TRPM7: variants seen among roughly 807,000 people sequenced by gnomAD.
TRPM7 encodes LTRPC ion channel family member 7.
Under a neutral mutation model 229.7 loss-of-function variants are expected in TRPM7, and 134 were observed. That is an observed-to-expected ratio of 0.58 (90% CI 0.51 to 0.67). The LOEUF (loss-of-function observed/expected upper bound fraction) is 0.67, where lower values mean the gene tolerates loss of function less well. Among genes scored for constraint, TRPM7 ranks in the 30% least tolerant of loss-of-function variants. The probability of loss-of-function intolerance (pLI) is 0.00; values close to 1 mark genes in which losing one functional copy is unlikely to be tolerated. For synonymous variants in TRPM7, 699 were observed against 715.2 expected, an observed-to-expected ratio of 0.98 and a Z score of 0.36; for missense variants, 1,901 against 2,210.0, an observed-to-expected ratio of 0.86 and a Z score of 2.80.
At chr15:50,637,692 A>G in intron 6 of TRPM7, 99 bp from the exon 7 acceptor site, 1 of 1,069,288 alleles carries the variant, frequency 9.4e-7, no homozygotes, top group Admixed American at 3.0e-5. Context: ...AAGAAGTAAA[A>G]TTCTATTTTA....
In TRPM7 at chr15:50,614,151, A is replaced by G; in HGVS notation, c.1607T>C (p.Ile536Thr). The change falls in exon 14 of 39, where the codon ATA (isoleucine) becomes ACA (threonine). Residue 536 changes from isoleucine to threonine, a missense_variant. By Grantham distance (89) the Ile-to-Thr change is moderately conservative. Coordinates refer to ENST00000646667, the MANE Select transcript of TRPM7 (RefSeq NM_017672.6). ...CTYTRKRFRL[I>T]YNSLGGNNRR... ...ATTATTTCCACCAAGACTATTATAT[A>G]TTAATCGAAAACGTTTCCTAGTATA... is the stretch of plus-strand genomic sequence containing the variant. The G allele has an allele frequency of 6.2e-7, 1 of 1,611,120 alleles. No individual in the cohort carries two copies. Among genetic ancestry groups the G allele is most frequent in the East Asian group, 2.2e-5 (1 of 44,838 alleles).
rs2059940062 is a variant in TRPM7, at chr15:50,607,193, G to T, written c.2709+7C>A. The T allele has an allele frequency of 3.1e-6, 5 of 1,595,372 alleles. No homozygotes were observed. Among genetic ancestry groups the T allele is most frequent in the Non-Finnish European group, 3.4e-6 (4 of 1,174,498 alleles). ...AAATTATTGGTAGAAAAAAACTAAA[G>T]ACATACCTCACGGACTTTCTCAATG... On this transcript the variant is annotated splice_region_variant and intron_variant, in intron 20 of 38. Coordinates refer to ENST00000646667, the MANE Select transcript of TRPM7 (RefSeq NM_017672.6).
At chr15:50,593,879 C>G (rs568527487) in intron 24 of TRPM7, 130 bp from the exon 25 acceptor site, 1 of 852,686 alleles carries the variant, frequency 1.2e-6, no homozygotes, top group Non-Finnish European at 1.8e-6. Flanking sequence ...ACTTTTACTA[C>G]TATGCTTCTA....
chr15:50,651,618 A>ATT (rs2061421312), intron 3 of TRPM7, among the ~76,000 whole-genome samples: 1 of 152,188 alleles, frequency 6.6e-6, no homozygotes, highest in African/African-American at 2.4e-5. Context: ...CAACATAGTA[A>ATT]GACTCTGTCT....
At chr15:50,580,072 C>T (rs1260590900) in intron 30 of TRPM7, among the ~76,000 whole-genome samples, 6 of 152,190 alleles carry the variant, frequency 3.9e-5, no homozygotes, top group Non-Finnish European at 7.3e-5. Flanking sequence ...CCATGCCTGG[C>T]CCAGATTTAT....
intron 3 of TRPM7, among the ~76,000 whole-genome samples, chr15:50,651,416 C>G (rs1003200167): frequency 6.6e-6 from 1 of 152,026 alleles, no homozygotes; most frequent in Non-Finnish European, 1.5e-5. Context: ...GAAGCCGAGG[C>G]GGGTGGATCA....
rs776970870 is a variant in TRPM7 at position 50,634,533 on chromosome 15, C to T, written c.856G>A (p.Val286Met). ...HARIGQGVPV[V>M]ALIFEGGPNV... ...GGCCCACCCTCAAATATAAGTGCCA[C>T]CACAGGGACACCCTGGCCAATCCCT... Residue 286 changes from valine to methionine, a missense_variant, in exon 8 of 39, where the codon GTG (valine) becomes ATG (methionine). By Grantham distance (21) the Val-to-Met change is conservative. Coordinates refer to ENST00000646667, the MANE Select transcript of TRPM7 (RefSeq NM_017672.6). The T allele has an allele frequency of 6.6e-7, 1 of 1,508,014 alleles. No individual in the cohort carries two copies. The highest frequency in any genetic ancestry group is 8.8e-7 in the Non-Finnish European group (1 of 1,132,080). 93.4% of individuals were successfully genotyped at this position (1,508,014 alleles called of 1,614,324 possible).
At chr15:50,681,262 A>ACACACAC (rs2062234758) in intron 1 of TRPM7, among the ~76,000 whole-genome samples, 1 of 53,610 alleles carries the variant, frequency 1.9e-5, no homozygotes, top group African/African-American at 1.4e-4. Context: ...AAAATAAATA[A>ACACACAC]ATACACACAC....
At chr15:50,584,550 T>C (rs2054593036) in intron 28 of TRPM7, among the ~76,000 whole-genome samples, 1 of 151,690 alleles carries the variant, frequency 6.6e-6, no homozygotes, top group Non-Finnish European at 1.5e-5. Flanking sequence ...GCAATACAGG[T>C]AGGTTTGAGT....
At chr15:50,614,043 C>G (rs2060144113) in intron 14 of TRPM7, 80 bp downstream of exon 14, 1 of 1,411,248 alleles carries the variant, frequency 7.1e-7, no homozygotes, top group African/African-American at 1.4e-5. Context: ...CTTCTCCGTT[C>G]TAATGTTAAT....
intron 3 of TRPM7, among the ~76,000 whole-genome samples, chr15:50,649,437 C>CA (rs541168300): frequency 0.24 from 22,096 of 92,574 alleles, 2,054 homozygotes; most frequent in Admixed American, 0.37. Context: ...GACCCCAACT[C>CA]AAAAAAAAAA....
Position 50,637,579 on chromosome 15 carries a change from A to G in TRPM7, c.675T>C (p.Tyr225=). The stretch of plus-strand genomic sequence containing the variant: ...TGCTCAGGGGGTTCAATAAGGTTTG[A>G]TAAGGAGCAACCACCTAAACAATAG... The part of the protein sequence containing the change: ...DLVGRDVVAP[Y]QTLLNPLSKL... The change falls in exon 7 of 39, where the codon TAT becomes TAC. Residue 225 remains tyrosine, a synonymous_variant. Coordinates refer to ENST00000646667, the MANE Select transcript of TRPM7 (RefSeq NM_017672.6). 1 of 1,613,860 alleles carries G rather than the reference A, an allele frequency of 6.2e-7. No individual in the cohort carries two copies. The highest frequency in any genetic ancestry group is 2.2e-5 in the East Asian group (1 of 44,860).
At chr15:50,657,467 A>G (rs2061607434) in intron 3 of TRPM7, among the ~76,000 whole-genome samples, 1 of 152,120 alleles carries the variant, frequency 6.6e-6, no homozygotes, top group Admixed American at 6.6e-5. Flanking sequence ...TCAAATCTCC[A>G]TCTTACATTC....
chr15:50,566,882 A>T (rs1293372630), intron 38 of TRPM7, among the ~76,000 whole-genome samples: 2 of 152,206 alleles, frequency 1.3e-5, no homozygotes, highest in Non-Finnish European at 2.9e-5. Context: ...CTTTGAAGGT[A>T]TCAATAAAAT....
At position 50,561,814 on chromosome 15, in the gene TRPM7, T is replaced by A; in HGVS notation, c.5468-6A>T. The stretch of plus-strand genomic sequence containing the variant: ...ATAATCATTCCTCTTCAGATCTACA[T>A]TGAACACCCACAACAATTAAAAAAA... On this transcript the variant is annotated splice_region_variant and splice_polypyrimidine_tract_variant and intron_variant, in intron 38 of 38. Coordinates refer to ENST00000646667, the MANE Select transcript of TRPM7 (RefSeq NM_017672.6). 2.6e-6 allele frequency: 4 copies of A among 1,555,030 alleles called. No homozygotes were observed. The highest frequency in any genetic ancestry group is 4.3e-5 in the Admixed American group (2 of 46,116).
intron 13 of TRPM7, among the ~76,000 whole-genome samples, chr15:50,617,130 A>C (rs1400508901): frequency 7.8e-6 from 1 of 128,190 alleles, no homozygotes; most frequent in Non-Finnish European, 1.6e-5. Flanking sequence ...TCTCTACCAA[A>C]AAAATAAATA....
At chr15:50,642,191 C>T (rs1005475898) in intron 5 of TRPM7, among the ~76,000 whole-genome samples, 1 of 152,158 alleles carries the variant, frequency 6.6e-6, no homozygotes, top group Non-Finnish European at 1.5e-5. Context: ...GCTGCTGAGG[C>T]AATGGATTGC....
At position 50,593,622 on chromosome 15, in the gene TRPM7, A is replaced by G. The variant is rs778946395; in HGVS notation, c.3603T>C (p.Phe1201=). ...SGSEERIRVT[F]ERVEQMCIQI... ...TAACTAAAGGGCTTCTGAACCTTTCAAAAGTGACACGAATTCTCTCTTCAC... is the reference window on the plus strand; with the variant it reads ...TAACTAAAGGGCTTCTGAACCTTTCGAAAGTGACACGAATTCTCTCTTCAC... Residue 1201 remains phenylalanine, a synonymous_variant, in exon 25 of 39, where the codon TTT becomes TTC. Transcript: ENST00000646667. 1 of 1,611,852 alleles carries G rather than the reference A, an allele frequency of 6.2e-7. No individual in the cohort carries two copies. Among genetic ancestry groups the G allele is most frequent in the Admixed American group, 1.7e-5 (1 of 59,826 alleles).
chr15:50,619,346 G>A (rs1596217010), intron 13 of TRPM7, among the ~76,000 whole-genome samples: 1 of 150,974 alleles, frequency 6.6e-6, no homozygotes, highest in African/African-American at 2.4e-5. Context: ...TCAGCCTCCC[G>A]AGTAGCTGGT....
Sources: allele counts gnomAD v4.1 joint callset (sites outside exome capture counted in the v4.1 genomes callset), GRCh38; gene constraint gnomAD v4.1.1; transcripts MANE v1.5; gene names NCBI Gene and HGNC (gene_info 2026-07-23, HGNC 2026-07-21).